The following HMGA2 variants were observed in gnomAD, a reference collection of about 807,000 sequenced individuals.
The protein encoded by HMGA2 is high mobility group AT-hook 2, also known as high mobility group protein HMGI-C.
HMGA2 carries 8 observed loss-of-function variants against 19.1 expected under a neutral mutation model. The observed-to-expected ratio is 0.42, with a 90% confidence interval of 0.25 to 0.76. HMGA2 has a LOEUF of 0.76. Among genes scored for constraint, HMGA2 ranks in the 30% least tolerant of loss-of-function variants. HMGA2 has a pLI of 0.28. For synonymous variants in HMGA2, 60 were observed against 48.8 expected (o/e 1.23, Z -0.96); for missense variants, 109 against 136.3 (o/e 0.80, Z 1.00).
chr12:65,872,352 C>T (rs1220775996), intron 3 of HMGA2, among the ~76,000 whole-genome samples: 1 of 152,096 alleles, frequency 6.6e-6, no homozygotes, highest in Non-Finnish European at 1.5e-5. Flanking sequence ...TCCTTGCACC[C>T]GGGAGGCTCT....
chr12:65,960,727 C>T (rs1253082803), intron 4 of HMGA2, among the ~76,000 whole-genome samples: 1 of 152,188 alleles, frequency 6.6e-6, no homozygotes, highest in African/African-American at 2.4e-5. Flanking sequence ...TAGTCATGTT[C>T]CCAGTACTAA....
chr12:65,896,189 C>A (rs1299360587), intron 3 of HMGA2, among the ~76,000 whole-genome samples: 2 of 152,170 alleles, frequency 1.3e-5, no homozygotes, highest in African/African-American at 4.8e-5. Context: ...CCATTTTCTT[C>A]AAATGTTCAT....
At chr12:65,840,739 G>T (rs1039468103) in intron 3 of HMGA2, among the ~76,000 whole-genome samples, 4 of 152,160 alleles carry the variant, frequency 2.6e-5, no homozygotes, top group African/African-American at 4.8e-5. Context: ...TAATAAGAAA[G>T]ACGTGTATAA....
intron 3 of HMGA2, among the ~76,000 whole-genome samples, chr12:65,855,053 G>T (rs1479340841): frequency 6.6e-6 from 1 of 152,176 alleles, no homozygotes; most frequent in Non-Finnish European, 1.5e-5. Context: ...GAAAGGATTG[G>T]CCTGGGAGTG....
chr12:65,850,514 A>T (rs996453949), intron 3 of HMGA2, among the ~76,000 whole-genome samples: 22 of 143,920 alleles, frequency 1.5e-4, no homozygotes, highest in Middle Eastern at 3.7e-3. Context: ...AAGAGACCGA[A>T]TTTTTTTTTT....
intron 3 of HMGA2, among the ~76,000 whole-genome samples, chr12:65,926,127 T>C (rs1487084242): frequency 6.6e-6 from 1 of 152,156 alleles, no homozygotes; most frequent in Non-Finnish European, 1.5e-5. Flanking sequence ...CCCCAGACAA[T>C]CAAAATCTTC....
chr12:65,884,166 C>T (rs1873561744), intron 3 of HMGA2, among the ~76,000 whole-genome samples: 1 of 152,136 alleles, frequency 6.6e-6, no homozygotes, highest in Non-Finnish European at 1.5e-5. Context: ...GTATCTGGCT[C>T]TCATATTTTT....
intron 2 of HMGA2, among the ~76,000 whole-genome samples, chr12:65,835,389 G>T (rs1870672588): frequency 6.6e-6 from 1 of 152,038 alleles, no homozygotes; most frequent in Admixed American, 6.6e-5. Context: ...AAATAATGTG[G>T]GTTTTAAAGA....
rs188000876 is a variant in HMGA2, at chr12:65,872,995, T to C, written c.249+34426T>C. Among the ~76,000 whole-genome samples, 21 of 152,300 alleles carry C rather than the reference T, an allele frequency of 1.4e-4. No individual in the cohort carries two copies. In the East Asian group the frequency reaches 2.5e-3, roughly 18 times the overall value. On this transcript the variant is annotated intron_variant, in intron 3 of 4. Transcript: ENST00000403681. ...CACATCTGTGCTCTGGTTGGTATAG[T>C]CTTTACCTTTACTTCCATTTGGACC...
At chr12:65,897,108 G>T (rs1351152713) in intron 3 of HMGA2, among the ~76,000 whole-genome samples, 1 of 152,162 alleles carries the variant, frequency 6.6e-6, no homozygotes, top group African/African-American at 2.4e-5. Context: ...ATTTTTGTGG[G>T]TATGTAGGTG....
chr12:65,901,843 G>A (rs190108918), intron 3 of HMGA2, among the ~76,000 whole-genome samples: 6 of 151,802 alleles, frequency 4.0e-5, no homozygotes, highest in East Asian at 3.9e-4. Flanking sequence ...CTTGTTATTC[G>A]AAGGACACAA....
intron 3 of HMGA2, among the ~76,000 whole-genome samples, chr12:65,905,229 C>T (rs528654966): frequency 8.1e-4 from 123 of 151,758 alleles, no homozygotes; most frequent in African/African-American, 2.6e-3. Flanking sequence ...AGGATAAATA[C>T]TAAAATGGGC....
At chr12:65,860,751 A>C (rs909609666) in intron 3 of HMGA2, among the ~76,000 whole-genome samples, 1 of 152,214 alleles carries the variant, frequency 6.6e-6, no homozygotes, top group African/African-American at 2.4e-5. Context: ...TAATTACTAT[A>C]CCCTGAGGAA....
At chr12:65,915,225 G>A (rs892971398) in intron 3 of HMGA2, 34 of 1,590,298 alleles carry the variant, frequency 2.1e-5, no homozygotes, top group South Asian at 7.8e-5. Flanking sequence ...GGCTTTCTCC[G>A]ATATAGAAAC....
At chr12:65,884,526 A>T (rs1873577536) in intron 3 of HMGA2, among the ~76,000 whole-genome samples, 1 of 152,216 alleles carries the variant, frequency 6.6e-6, no homozygotes, top group Admixed American at 6.5e-5. Flanking sequence ...TTTGCTGTCA[A>T]GGGCAAAATT....
chr12:65,950,726 G>A (rs767283455), intron 3 of HMGA2, among the ~76,000 whole-genome samples: 5 of 152,212 alleles, frequency 3.3e-5, no homozygotes, highest in South Asian at 4.1e-4. Flanking sequence ...CTCAGTGAAG[G>A]TGTTTTAAAA....
At chr12:65,871,255 G>A (rs548000858) in intron 3 of HMGA2, among the ~76,000 whole-genome samples, 87 of 152,118 alleles carry the variant, frequency 5.7e-4, no homozygotes, top group Admixed American at 5.0e-3. Context: ...GTATTCCTGG[G>A]CCCAGCCGCA....
In HMGA2 at chr12:65,920,670, T is replaced by A. The variant is rs573353028; in HGVS notation, c.250-30713T>A. Among the ~76,000 whole-genome samples, 3 of 152,280 alleles carry A rather than the reference T, an allele frequency of 2.0e-5. No individual in the cohort carries two copies. In the South Asian group the frequency reaches 6.2e-4, roughly 32 times the overall value. On this transcript the variant is annotated intron_variant, in intron 3 of 4. Transcript: ENST00000403681. ...GTTTCCACTTTTGCTTCTTCCTCATTTTCTCTTGCCACTGCCATGTAAGAA... is the reference window on the plus strand; with the variant it reads ...GTTTCCACTTTTGCTTCTTCCTCATATTCTCTTGCCACTGCCATGTAAGAA...
intron 3 of HMGA2, among the ~76,000 whole-genome samples, chr12:65,885,267 A>G (rs1016654057): frequency 6.6e-6 from 1 of 152,108 alleles, no homozygotes; most frequent in Non-Finnish European, 1.5e-5. Context: ...CTGGTGCCCA[A>G]GTCTTAGAGA....
Sources: gnomAD v4.1 joint callset for allele counts (sites outside exome capture counted in the v4.1 genomes callset) on GRCh38, gnomAD v4.1.1 for gene constraint, MANE v1.5 for transcripts, NCBI Gene and HGNC (gene_info 2026-07-23, HGNC 2026-07-21) for gene names.